Variants in UBE2E2 observed in about 807,000 individuals in gnomAD.
UBE2E2 encodes ubiquitin conjugating enzyme E2 E2.
UBE2E2 carries 6 observed loss-of-function variants against 24.7 expected under a neutral mutation model. That is an observed-to-expected ratio of 0.24 (90% CI 0.13 to 0.48). The LOEUF is 0.48. Ranked by LOEUF, UBE2E2 falls within the 20% of genes least tolerant of loss-of-function variation. UBE2E2 has a pLI of 0.99. For synonymous variants in UBE2E2, 104 were observed against 83.6 expected, an observed-to-expected ratio of 1.24 and a Z score of -1.33; for missense variants, 169 against 245.0, an observed-to-expected ratio of 0.69 and a Z score of 2.07.
intron 5 of UBE2E2, among the ~76,000 whole-genome samples, chr3:23,586,179 A>G (rs1696621440): frequency 6.6e-6 from 1 of 152,252 alleles, no homozygotes; most frequent in South Asian, 2.1e-4. Flanking sequence ...CTTAAACATC[A>G]GCACTGCTAC....
intron 3 of UBE2E2, among the ~76,000 whole-genome samples, chr3:23,461,408 G>A (rs994343555): frequency 2.0e-5 from 3 of 151,808 alleles, no homozygotes; most frequent in African/African-American, 7.3e-5. Flanking sequence ...AGGTCTTAGA[G>A]CTGTTCAGCA....
intron 3 of UBE2E2, among the ~76,000 whole-genome samples, chr3:23,437,174 T>G (rs1698202953): frequency 6.6e-6 from 1 of 152,216 alleles, no homozygotes; most frequent in African/African-American, 2.4e-5. Context: ...CAGGTTTTTC[T>G]CATCCCAGGG....
chr3:23,479,570 A>C (rs9862557), intron 3 of UBE2E2, among the ~76,000 whole-genome samples: 59 of 151,838 alleles, frequency 3.9e-4, no homozygotes, highest in African/African-American at 6.3e-4. Context: ...CACTGTTTGT[A>C]TTACAGCTCT....
intron 3 of UBE2E2, among the ~76,000 whole-genome samples, chr3:23,248,052 T>C (rs529458704): frequency 5.9e-5 from 9 of 152,370 alleles, no homozygotes; most frequent in Non-Finnish European, 1.2e-4. Context: ...CAATTCCCAA[T>C]TCTAATCAAT....
intron 3 of UBE2E2, among the ~76,000 whole-genome samples, chr3:23,315,183 C>T (rs1370924646): frequency 1.3e-5 from 2 of 152,172 alleles, no homozygotes; most frequent in Non-Finnish European, 2.9e-5. Context: ...CTTCTTCCCA[C>T]TCTTCCCCTC....
At chr3:23,465,446 G>A (rs996049535) in intron 3 of UBE2E2, among the ~76,000 whole-genome samples, 2 of 152,170 alleles carry the variant, frequency 1.3e-5, no homozygotes, top group Non-Finnish European at 2.9e-5. Flanking sequence ...ACTTGGTACC[G>A]TAACTTTTAG....
At chr3:23,332,932 G>T (rs1345125202) in intron 3 of UBE2E2, among the ~76,000 whole-genome samples, 1 of 152,170 alleles carries the variant, frequency 6.6e-6, no homozygotes, top group East Asian at 1.9e-4. Flanking sequence ...ATGGCTGTTA[G>T]CCCTGGAAAA....
intron 3 of UBE2E2, among the ~76,000 whole-genome samples, chr3:23,306,819 A>C (rs1050940456): frequency 6.6e-6 from 1 of 152,122 alleles, no homozygotes; most frequent in African/African-American, 2.4e-5. Flanking sequence ...GATGTGCAGA[A>C]ATTTTATTTG....
At chr3:23,498,065 A>G (rs1344036662) in intron 3 of UBE2E2, among the ~76,000 whole-genome samples, 1 of 152,062 alleles carries the variant, frequency 6.6e-6, no homozygotes, top group Admixed American at 6.6e-5. Flanking sequence ...TCATATGATT[A>G]TTGGCCATTT....
At chr3:23,473,750 G>T (rs1212165190) in intron 3 of UBE2E2, among the ~76,000 whole-genome samples, 1 of 151,990 alleles carries the variant, frequency 6.6e-6, no homozygotes, top group African/African-American at 2.4e-5. Flanking sequence ...CCTTTTTATG[G>T]CTAAGTAGTA....
intron 3 of UBE2E2, among the ~76,000 whole-genome samples, chr3:23,289,504 T>C (rs1421914469): frequency 2.0e-5 from 3 of 152,330 alleles, no homozygotes; most frequent in Middle Eastern, 3.4e-3. Context: ...CTAGATACAA[T>C]TTTTCAAATG....
At chr3:23,262,725 T>A (rs1025875151) in intron 3 of UBE2E2, among the ~76,000 whole-genome samples, 1 of 152,226 alleles carries the variant, frequency 6.6e-6, no homozygotes, top group Non-Finnish European at 1.5e-5. Flanking sequence ...CTTTTCATTT[T>A]GTTGATTGGT....
rs1332528243 is a variant in UBE2E2 at position 23,547,044 on chromosome 3, T to C, written c.508+14343T>C. Among the ~76,000 whole-genome samples, 4 of 152,214 alleles carry C rather than the reference T, an allele frequency of 2.6e-5. No individual in the cohort carries two copies. In the East Asian group the frequency reaches 7.7e-4, roughly 29 times the overall value. On this transcript the variant is annotated intron_variant, in intron 5 of 5. Coordinates refer to ENST00000396703, the MANE Select transcript of UBE2E2 (RefSeq NM_152653.4). Reference sequence around the variant, plus strand: ...TTGAGCATACATATTTTATTGCAAATTGACTCTTGTTTGGCAAAGTGAGGT... The same window carrying C: ...TTGAGCATACATATTTTATTGCAAACTGACTCTTGTTTGGCAAAGTGAGGT...
chr3:23,354,847 C>T (rs938837666), intron 3 of UBE2E2, among the ~76,000 whole-genome samples: 1 of 152,124 alleles, frequency 6.6e-6, no homozygotes. Flanking sequence ...TAGAACTAGA[C>T]ATACCATTTG....
chr3:23,281,735 C>G (rs1442477054), intron 3 of UBE2E2, among the ~76,000 whole-genome samples: 1 of 152,144 alleles, frequency 6.6e-6, no homozygotes, highest in Non-Finnish European at 1.5e-5. Context: ...AGTAAATAAT[C>G]TTGTAAATAG....
chr3:23,526,306 G>A (rs534117547), intron 4 of UBE2E2, among the ~76,000 whole-genome samples: 8 of 152,120 alleles, frequency 5.3e-5, no homozygotes, highest in African/African-American at 1.7e-4. Flanking sequence ...AAAGGAACAT[G>A]GGACAGAAAA....
chr3:23,495,891 A>G (rs1699587766), intron 3 of UBE2E2, among the ~76,000 whole-genome samples: 1 of 151,994 alleles, frequency 6.6e-6, no homozygotes, highest in South Asian at 2.1e-4. Flanking sequence ...ATAAGCTAGG[A>G]TAACTGTGAT....
At chr3:23,228,121 G>T (rs1460047422) in intron 3 of UBE2E2, among the ~76,000 whole-genome samples, 1 of 152,026 alleles carries the variant, frequency 6.6e-6, no homozygotes, top group Non-Finnish European at 1.5e-5. Context: ...TCTTTGCTTT[G>T]TTATTTCAAA....
At chr3:23,442,015 A>G (rs1559384849) in intron 3 of UBE2E2, among the ~76,000 whole-genome samples, 1 of 152,196 alleles carries the variant, frequency 6.6e-6, no homozygotes, top group Non-Finnish European at 1.5e-5. Context: ...TTAGAAATTT[A>G]GATTTTAGTT....
Sources: allele counts gnomAD v4.1 joint callset (sites outside exome capture counted in the v4.1 genomes callset), GRCh38; gene constraint gnomAD v4.1.1; transcripts MANE v1.5; gene names NCBI Gene and HGNC (gene_info 2026-07-23, HGNC 2026-07-21).